NLGN4Y: variants seen among roughly 807,000 people sequenced by gnomAD.
NLGN4Y encodes the protein neuroligin 4 Y-linked.
In NLGN4Y, 4 loss-of-function variants were observed where a neutral mutation model predicts 8.4. That is an observed-to-expected ratio of 0.48 (90% CI 0.23 to 1.09). The LOEUF (loss-of-function observed/expected upper bound fraction) is 1.09, where lower values mean the gene tolerates loss of function less well. Ranked by LOEUF, NLGN4Y falls within the 50% of genes least tolerant of loss-of-function variation. The pLI is 0.19. For synonymous variants in NLGN4Y, 35 were observed against 75.6 expected (o/e 0.46, Z 2.78); for missense variants, 90 against 192.3 (o/e 0.47, Z 3.15).
intron 2 of NLGN4Y, among the ~76,000 whole-genome samples, chrY:14,643,016 C>T (rs2080596063): frequency 3.0e-5 from 1 of 33,492 alleles, no homozygotes; most frequent in African/African-American, 1.2e-4. Flanking sequence ...GGTAGGCAGT[C>T]AACAGCATTT....
intron 4 of NLGN4Y, among the ~76,000 whole-genome samples, chrY:14,814,935 G>T: frequency 3.0e-5 from 1 of 32,812 alleles, no homozygotes; most frequent in Non-Finnish European, 7.5e-5. Context: ...TAGTTGCATG[G>T]CCCTGCACTG....
intron 1 of NLGN4Y, among the ~76,000 whole-genome samples, chrY:14,542,197 G>A: frequency 3.0e-5 from 1 of 33,624 alleles, no homozygotes; most frequent in African/African-American, 1.2e-4. Flanking sequence ...CAAAGATCTA[G>A]AGACTAGGAC....
chrY:14,651,587 A>G, intron 2 of NLGN4Y, among the ~76,000 whole-genome samples: 1 of 33,309 alleles, frequency 3.0e-5, no homozygotes, highest in East Asian at 7.8e-4. Flanking sequence ...CATAATTTCC[A>G]CAAAAATGGT....
At chrY:14,560,581 T>A in intron 1 of NLGN4Y, among the ~76,000 whole-genome samples, 1 of 33,484 alleles carries the variant, frequency 3.0e-5, no homozygotes. Flanking sequence ...AATTTGTCCT[T>A]TGGTTTACAG....
At chrY:14,760,418 C>G in intron 4 of NLGN4Y, among the ~76,000 whole-genome samples, 1 of 32,679 alleles carries the variant, frequency 3.1e-5, no homozygotes, top group Non-Finnish European at 7.5e-5. Context: ...AAATACACAC[C>G]AGTTTTTCAC....
chrY:14,561,042 G>A, intron 1 of NLGN4Y, among the ~76,000 whole-genome samples: 9 of 32,758 alleles, frequency 2.7e-4, no homozygotes, highest in Admixed American at 1.7e-3. Context: ...ATAATACATC[G>A]TCCTACATTG....
chrY:14,821,119 T>C, intron 4 of NLGN4Y, among the ~76,000 whole-genome samples: 2 of 33,427 alleles, frequency 6.0e-5, no homozygotes, highest in African/African-American at 2.3e-4. Flanking sequence ...GTGAAAAGGG[T>C]CCAGCGGTAC....
chrY:14,743,145 A>C (rs2081012384), intron 4 of NLGN4Y, among the ~76,000 whole-genome samples: 1 of 33,115 alleles, frequency 3.0e-5, no homozygotes. Flanking sequence ...TTAATTATCT[A>C]TACAAGAATT....
At chrY:14,732,567 C>G in intron 4 of NLGN4Y, among the ~76,000 whole-genome samples, 1 of 34,269 alleles carries the variant, frequency 2.9e-5, no homozygotes, top group Non-Finnish European at 7.3e-5. Context: ...GATCCCCAAT[C>G]ACTGCTTTAT....
chrY:14,835,718 AAG>A (rs2043195791), intron 6 of NLGN4Y, among the ~76,000 whole-genome samples: 5 of 26,526 alleles, frequency 1.9e-4, no homozygotes, highest in African/African-American at 7.7e-4. Flanking sequence ...AGGGAGAAAA[AAG>A]AGGGAATGGA....
chrY:14,798,842 A>G (rs2043021297), intron 4 of NLGN4Y: 3 of 34,133 alleles, frequency 8.8e-5, no homozygotes, highest in Admixed American at 8.0e-4. Context: ...TGTGGATTTG[A>G]TATGACTTAA....
chrY:14,724,369 T>A (rs745983755), intron 4 of NLGN4Y, among the ~76,000 whole-genome samples: 1 of 33,214 alleles, frequency 3.0e-5, no homozygotes, highest in Non-Finnish European at 7.4e-5. Context: ...TAAATAATCC[T>A]GTAATCTTCA....
intron 4 of NLGN4Y, among the ~76,000 whole-genome samples, chrY:14,767,057 G>C: frequency 3.0e-5 from 1 of 32,790 alleles, no homozygotes; most frequent in Non-Finnish European, 7.5e-5. Flanking sequence ...TTTCTTTTTA[G>C]TGCTGTTTTG....
chrY:14,762,661 C>T (rs2081084208), intron 4 of NLGN4Y, among the ~76,000 whole-genome samples: 1 of 33,984 alleles, frequency 2.9e-5, no homozygotes, highest in Non-Finnish European at 7.3e-5. Flanking sequence ...AGTGTAAACA[C>T]GCTAATGCAC....
chrY:14,588,442 T>A (rs2080348375), intron 1 of NLGN4Y, among the ~76,000 whole-genome samples: 1 of 33,073 alleles, frequency 3.0e-5, no homozygotes, highest in Non-Finnish European at 7.4e-5. Context: ...TGACAATGAA[T>A]AAGTCATGGG....
intron 1 of NLGN4Y, among the ~76,000 whole-genome samples, chrY:14,552,750 A>T (rs2080197892): frequency 3.0e-5 from 1 of 33,472 alleles, no homozygotes; most frequent in African/African-American, 1.2e-4. Flanking sequence ...ATCCTCAATA[A>T]ACTAGGTATT....
intron 1 of NLGN4Y, among the ~76,000 whole-genome samples, chrY:14,554,986 T>C: frequency 3.0e-5 from 1 of 33,501 alleles, no homozygotes; most frequent in African/African-American, 1.2e-4. Flanking sequence ...GCAAAACACA[T>C]TGAGTCAAGT....
chrY:14,837,989 G>A, intron 6 of NLGN4Y, among the ~76,000 whole-genome samples: 2 of 32,762 alleles, frequency 6.1e-5, no homozygotes, highest in Non-Finnish European at 1.5e-4. Context: ...TGAAAAAAAC[G>A]AGGAATCTTC....
chrY:14,608,272 T>G, intron 1 of NLGN4Y, among the ~76,000 whole-genome samples: 1 of 33,523 alleles, frequency 3.0e-5, no homozygotes, highest in Non-Finnish European at 7.4e-5. Flanking sequence ...AGTCATGAAG[T>G]CTTTGCCCAT....
Sources: gnomAD v4.1 joint callset for allele counts (sites outside exome capture counted in the v4.1 genomes callset) on GRCh38, gnomAD v4.1.1 for gene constraint, MANE v1.5 for transcripts, NCBI Gene and HGNC (gene_info 2026-07-23, HGNC 2026-07-21) for gene names.